Variants in SMIM17 observed in about 807,000 individuals in gnomAD.
SMIM17 encodes the protein small integral membrane protein 17.
SMIM17 carries 10 observed loss-of-function variants against 12.2 expected under a neutral mutation model. The ratio of observed to expected loss-of-function variants is 0.82; its 90% CI spans 0.50 to 1.39. SMIM17 has a LOEUF of 1.39. Among genes scored for constraint, SMIM17 ranks in the 40% most tolerant of loss-of-function variants. SMIM17 has a pLI of 0.00. For missense variants in SMIM17, 136 were observed against 118.2 expected (o/e 1.15, Z -0.70); for synonymous variants, 50 against 44.1 (o/e 1.13, Z -0.53).
intron 3 of SMIM17, among the ~76,000 whole-genome samples, chr19:56,649,711 G>T (rs2045094885): frequency 6.6e-6 from 1 of 152,140 alleles, no homozygotes. Flanking sequence ...GTACATTTGG[G>T]GAACACCAAG....
chr19:56,650,658 G>A (rs1362833482), intron 3 of SMIM17, among the ~76,000 whole-genome samples: 1 of 152,218 alleles, frequency 6.6e-6, no homozygotes, highest in Non-Finnish European at 1.5e-5. Flanking sequence ...AGCAGAGCTA[G>A]CATAGAGTTT....
chr19:56,647,626 G>T lies in SMIM17; in HGVS notation c.238G>T (p.Gly80Cys). The T allele has an allele frequency of 6.5e-7, 1 of 1,535,602 alleles. No homozygotes were observed. The highest frequency in any genetic ancestry group is 8.7e-7 in the Non-Finnish European group (1 of 1,146,666). ...SSVEEDDESE[G>C]SQGFVEWSKA... ...GGTGGAGGAAGATGACGAATCAGAG[G>T]GCTCCCAGGTACACTGGGGGGTTTG... is the stretch of plus-strand genomic sequence containing the variant. Residue 80 changes from glycine to cysteine, a missense_variant, in exon 3 of 4, where the codon GGC (glycine) becomes TGC (cysteine). By Grantham distance (159) the Gly-to-Cys change is radical. Coordinates refer to ENST00000598409, the MANE Select transcript of SMIM17 (RefSeq NM_001193628.2).
chr19:56,655,603 CTT>C lies in SMIM17; in HGVS notation c.*393_*394del, dbSNP rs1600623429. 3 of 221,312 alleles carry C rather than the reference CTT, an allele frequency of 1.4e-5. No individual in the cohort carries two copies. The East Asian group carries it at 2.7e-4, about 20-fold the overall frequency. The allele number at this position is 221,312 out of a possible 1,614,324, so 13.7% of individuals were successfully genotyped here. On this transcript the variant is annotated 3_prime_UTR_variant, in exon 4 of 4. Transcript: ENST00000598409. ...ATTCTTAAGGTTTTGGTGCACCAGT[CTT>C]TTCATACACTAGATTATATTTATTG...
rs1235168473 is a variant in SMIM17 at position 56,655,541 on chromosome 19, A to T, written c.*328A>T. 6.1e-6 allele frequency: 2 copies of T among 327,270 alleles called. No individual in the cohort carries two copies. The highest frequency in any genetic ancestry group is 1.1e-5 in the Non-Finnish European group (2 of 181,710). 20.3% of individuals were successfully genotyped at this position (327,270 alleles called of 1,614,324 possible). A position where few individuals can be genotyped will look rare whatever the true frequency, so the allele number is the denominator to read the frequency against. On this transcript the variant is annotated 3_prime_UTR_variant, in exon 4 of 4. Transcript: ENST00000598409. Reference sequence around the variant, plus strand: ...AAAAATGTGCAACTGAAGATCAATGAAATCTGGTACATTTCCTAACATCAA... The same window carrying T: ...AAAAATGTGCAACTGAAGATCAATGTAATCTGGTACATTTCCTAACATCAA...
Position 56,644,041 on chromosome 19 carries a change from C to T in SMIM17, c.-101+831C>T, listed in dbSNP as rs529497678. ...CCCCCACCATACCTCTGTCTCATCCCCTTTCCTTCTTCCTCCTCCATTCAC... is the reference window on the plus strand; with the variant it reads ...CCCCCACCATACCTCTGTCTCATCCTCTTTCCTTCTTCCTCCTCCATTCAC... On this transcript the variant is annotated intron_variant, in intron 1 of 3. Transcript: ENST00000598409. 3.9e-5 allele frequency among the ~76,000 whole-genome samples: 6 copies of T among 152,096 alleles called. No individual in the cohort carries two copies. The South Asian group carries it at 1.2e-3, about 32-fold the overall frequency.
In SMIM17 at chr19:56,645,686, G is replaced by T. The variant is rs1401158910; in HGVS notation, c.19G>T (p.Glu7Ter). 6.5e-7 allele frequency: 1 copy of T among 1,532,876 alleles called. No homozygotes were observed. Among genetic ancestry groups the T allele is most frequent in the Non-Finnish European group, 8.7e-7 (1 of 1,145,912 alleles). The allele number at this position is 1,532,876 out of a possible 1,614,324, so 95.0% of individuals were successfully genotyped here. A position where few individuals can be genotyped will look rare whatever the true frequency, so the allele number is the denominator to read the frequency against. The stretch of plus-strand genomic sequence containing the variant: ...TGGGGCAATGCAGAGTCTCAGGCCT[G>T]AGCAGACACGGGGGCTGCTGGAGCC... MQSLRP[E>*]QTRGLLEPER... The change falls in exon 2 of 4, where the codon GAG becomes TAG. Residue 7 changes from glutamate (E) to a stop codon, truncating the protein, a stop_gained. Coordinates refer to ENST00000598409, the MANE Select transcript of SMIM17 (RefSeq NM_001193628.2). LOFTEE classifies it high-confidence loss of function.
chr19:56,648,240 C>T (rs1222559083), intron 3 of SMIM17, among the ~76,000 whole-genome samples: 1 of 150,914 alleles, frequency 6.6e-6, no homozygotes, highest in Non-Finnish European at 1.5e-5. Context: ...CCCATAAACC[C>T]TCCCTTCCAC....
chr19:56,646,977 T>G (rs2045068352), intron 2 of SMIM17, among the ~76,000 whole-genome samples: 1 of 152,152 alleles, frequency 6.6e-6, no homozygotes, highest in South Asian at 2.1e-4. Context: ...TAGTGAGGCT[T>G]GGAGCTCCTG....
intron 1 of SMIM17, among the ~76,000 whole-genome samples, chr19:56,643,466 G>T (rs1443202537): frequency 6.6e-6 from 1 of 152,142 alleles, no homozygotes; most frequent in Non-Finnish European, 1.5e-5. Context: ...GTCCTGGCTT[G>T]GGGGTTGCAG....
intron 3 of SMIM17, among the ~76,000 whole-genome samples, chr19:56,653,765 A>G (rs1047736360): frequency 6.6e-6 from 1 of 152,240 alleles, no homozygotes; most frequent in African/African-American, 2.4e-5. Context: ...ATAAGGTGTC[A>G]TCCAGAGGGA....
rs1028121547 is a variant in SMIM17, at chr19:56,657,207, G to C, written c.*1994G>C. ...TGTAAAACACCATATGACAATGGCT[G>C]GCAGATAGTAGGCACTCAATAAATG... On this transcript the variant is annotated 3_prime_UTR_variant, in exon 4 of 4. Transcript: ENST00000598409. Among the ~76,000 whole-genome samples, 1 of 152,110 alleles carries C rather than the reference G, an allele frequency of 6.6e-6. No individual in the cohort carries two copies. The highest frequency in any genetic ancestry group is 2.4e-5 in the African/African-American group (1 of 41,424).
intron 2 of SMIM17, 136 bp from the exon 3 acceptor site, chr19:56,647,422 A>AGT: frequency 1.3e-5 from 1 of 78,346 alleles, no homozygotes; most frequent in Admixed American, 1.1e-4. Context: ...AAGGAGGGTG[A>AGT]GAGAGAGAGA....
At chr19:56,650,822 G>C (rs1307523028) in intron 3 of SMIM17, among the ~76,000 whole-genome samples, 4 of 152,226 alleles carry the variant, frequency 2.6e-5, no homozygotes, top group African/African-American at 9.6e-5. Flanking sequence ...CTAGCCTCCA[G>C]CATAGGGATC....
At chr19:56,651,468 G>A (rs1189627002) in intron 3 of SMIM17, among the ~76,000 whole-genome samples, 1 of 152,036 alleles carries the variant, frequency 6.6e-6, no homozygotes, top group Non-Finnish European at 1.5e-5. Flanking sequence ...CCAGTCTGTG[G>A]GCACAGAAGA....
chr19:56,649,508 G>A (rs1465901061), intron 3 of SMIM17, among the ~76,000 whole-genome samples: 1 of 152,174 alleles, frequency 6.6e-6, no homozygotes, highest in Non-Finnish European at 1.5e-5. Context: ...AAGCAGGAAG[G>A]GGGTTTGGGA....
intron 3 of SMIM17, among the ~76,000 whole-genome samples, chr19:56,652,101 CAAAAAAAAAAAAA>C (rs57264842): frequency 3.6e-4 from 24 of 66,856 alleles, no homozygotes; most frequent in African/African-American, 1.4e-3. Flanking sequence ...GAGACTCTGC[CAAAAAAAAAAAAA>C]AAAAAAAAAA....
At chr19:56,651,512 G>A (rs73617304) in intron 3 of SMIM17, among the ~76,000 whole-genome samples, 4,331 of 152,204 alleles carry the variant, frequency 0.028, 185 homozygotes, top group African/African-American at 0.099. Context: ...CATCATTACC[G>A]TTCCATAAAA....
At position 56,645,847 on chromosome 19, in the gene SMIM17, G is replaced by C. The variant is rs550564216; in HGVS notation, c.169+11G>C. 2.0e-5 allele frequency: 31 copies of C among 1,524,638 alleles called. No individual in the cohort carries two copies. Among genetic ancestry groups the C allele is most frequent in the African/African-American group, 2.7e-5 (2 of 72,812 alleles). The allele number at this position is 1,524,638 out of a possible 1,614,324, so 94.4% of individuals were successfully genotyped here. On this transcript the variant is annotated intron_variant, in intron 2 of 3. Coordinates refer to ENST00000598409, the MANE Select transcript of SMIM17 (RefSeq NM_001193628.2). Reference sequence around the variant, plus strand: ...ACAGTGATGAGAAAGGTGAGAGGCAGGGGTCCTTTGGGAGGTGAGTGGGTG... The same window carrying C: ...ACAGTGATGAGAAAGGTGAGAGGCACGGGTCCTTTGGGAGGTGAGTGGGTG...
chr19:56,652,293 T>C (rs184939099), intron 3 of SMIM17, among the ~76,000 whole-genome samples: 221 of 151,834 alleles, frequency 1.5e-3, no homozygotes, highest in African/African-American at 4.8e-3. Context: ...GCCAGGCAAA[T>C]ATACTGGTAG....
Sources: allele counts gnomAD v4.1 joint callset (sites outside exome capture counted in the v4.1 genomes callset), GRCh38; gene constraint gnomAD v4.1.1; transcripts MANE v1.5; gene names NCBI Gene and HGNC (gene_info 2026-07-23, HGNC 2026-07-21).